Variants in DOCK5 observed in about 807,000 individuals in gnomAD.
DOCK5 encodes dedicator of cytokinesis protein 5.
In DOCK5, 142 loss-of-function variants were observed where a neutral mutation model predicts 251.8. The observed-to-expected ratio is 0.56, with a 90% CI of 0.49 to 0.65. The LOEUF is 0.65. Among genes scored for constraint, DOCK5 ranks in the 30% least tolerant of loss-of-function variants. DOCK5 has a pLI of 0.00. For missense variants in DOCK5, 2,111 were observed against 2,312.3 expected (o/e 0.91, Z 1.79); for synonymous variants, 842 against 835.5 (o/e 1.01, Z -0.13).
chr8:25,395,180 C>T (rs988410008), intron 44 of DOCK5, among the ~76,000 whole-genome samples: 3 of 152,148 alleles, frequency 2.0e-5, no homozygotes, highest in Non-Finnish European at 2.9e-5. Flanking sequence ...CTAGATCCCT[C>T]GCATGTGCAG....
chr8:25,219,014 A>G (rs896123520), intron 1 of DOCK5, among the ~76,000 whole-genome samples: 12 of 152,152 alleles, frequency 7.9e-5, no homozygotes, highest in Non-Finnish European at 1.2e-4. Flanking sequence ...TTTGGTATTC[A>G]TATTGATGAC....
intron 47 of DOCK5, among the ~76,000 whole-genome samples, chr8:25,402,155 A>G (rs1054958318): frequency 8.6e-5 from 13 of 151,784 alleles, no homozygotes; most frequent in Non-Finnish European, 2.9e-5. Flanking sequence ...TTGAGACAGG[A>G]TCTCTCTTTG....
chr8:25,283,302 C>A (rs949870419), intron 5 of DOCK5, among the ~76,000 whole-genome samples: 1 of 152,110 alleles, frequency 6.6e-6, no homozygotes, highest in Non-Finnish European at 1.5e-5. Flanking sequence ...GGAGAGGAAG[C>A]GGGTTTTAGG....
chr8:25,205,812 A>G (rs1038524083), intron 1 of DOCK5, among the ~76,000 whole-genome samples: 17 of 152,338 alleles, frequency 1.1e-4, no homozygotes, highest in Non-Finnish European at 2.2e-4. Context: ...CCGATTCACC[A>G]GGTATCTGAG....
At chr8:25,206,798 A>G (rs1802011998) in intron 1 of DOCK5, among the ~76,000 whole-genome samples, 1 of 152,236 alleles carries the variant, frequency 6.6e-6, no homozygotes. Context: ...GGAAATACCA[A>G]TATGTTTTGC....
intron 45 of DOCK5, among the ~76,000 whole-genome samples, chr8:25,397,221 A>AG (rs1282762635): frequency 1.7e-4 from 24 of 144,510 alleles, no homozygotes; most frequent in Middle Eastern, 3.5e-3. Flanking sequence ...CACTCCGTCT[A>AG]AAAAAAAAAA....
chr8:25,395,487 A>T, intron 44 of DOCK5, 56 bp from the exon 45 acceptor site: 1 of 1,553,800 alleles, frequency 6.4e-7, no homozygotes, highest in Admixed American at 2.1e-5. Context: ...AACTTTTTTC[A>T]GTCTTTACTT....
chr8:25,216,928 G>T lies in DOCK5; in HGVS notation c.44-26746G>T, dbSNP rs199668279. On this transcript the variant is annotated intron_variant, in intron 1 of 51. Transcript: ENST00000276440. ...ACAATATGTGTATACAATATGTATAGATGTATACAATATGTGTATACAATA... is the reference window on the plus strand; with the variant it reads ...ACAATATGTGTATACAATATGTATATATGTATACAATATGTGTATACAATA... Among the ~76,000 whole-genome samples, 5 of 5,616 alleles carry T rather than the reference G, an allele frequency of 8.9e-4. 1 individual carries two copies. Among genetic ancestry groups the T allele is most frequent in the African/African-American group, 4.1e-3 (5 of 1,206 alleles). The allele number at this position is 5,616 out of a possible 152,430, so 3.7% of individuals were successfully genotyped here.
At chr8:25,324,220 G>T (rs1035780389) in intron 17 of DOCK5, among the ~76,000 whole-genome samples, 3 of 152,126 alleles carry the variant, frequency 2.0e-5, no homozygotes, top group Non-Finnish European at 4.4e-5. Flanking sequence ...TGTGAATGGT[G>T]TTCCCTAGCA....
At chr8:25,366,504 T>C (rs1488801957) in intron 30 of DOCK5, among the ~76,000 whole-genome samples, 1 of 152,088 alleles carries the variant, frequency 6.6e-6, no homozygotes, top group Admixed American at 6.5e-5. Context: ...AACAACAAAA[T>C]TCATGGTTAT....
At chr8:25,324,975 C>T (rs551967151) in intron 17 of DOCK5, among the ~76,000 whole-genome samples, 11 of 152,118 alleles carry the variant, frequency 7.2e-5, no homozygotes, top group African/African-American at 1.4e-4. Context: ...AGGACATGAA[C>T]TCATCCTTTT....
At chr8:25,345,703 A>G in intron 26 of DOCK5, 92 bp downstream of exon 26, 2 of 1,536,210 alleles carry the variant, frequency 1.3e-6, no homozygotes, top group Non-Finnish European at 1.8e-6. Context: ...ATTCTCAGGT[A>G]GTTTCCAGCT....
chr8:25,193,904 G>C (rs1436164939), intron 1 of DOCK5, among the ~76,000 whole-genome samples: 1 of 152,166 alleles, frequency 6.6e-6, no homozygotes, highest in Non-Finnish European at 1.5e-5. Context: ...AGGAGTATTG[G>C]TTTTAAGGTT....
chr8:25,270,639 A>G (rs1025044541), intron 3 of DOCK5: 4 of 420,198 alleles, frequency 9.5e-6, no homozygotes, highest in African/African-American at 6.0e-5. Flanking sequence ...TGGATTTTTC[A>G]CTGCGAAATT....
chr8:25,206,460 A>G (rs1435153742), intron 1 of DOCK5, among the ~76,000 whole-genome samples: 1 of 152,246 alleles, frequency 6.6e-6, no homozygotes, highest in African/African-American at 2.4e-5. Flanking sequence ...ATTAAGAGAT[A>G]GCTCACAGAA....
At chr8:25,372,966 A>G (rs1306217539) in intron 35 of DOCK5, among the ~76,000 whole-genome samples, 1 of 150,870 alleles carries the variant, frequency 6.6e-6, no homozygotes, top group Non-Finnish European at 1.5e-5. Flanking sequence ...GTTTGGGGGT[A>G]CAGTGGTTTC....
chr8:25,268,475 C>T (rs1803822311), intron 2 of DOCK5, among the ~76,000 whole-genome samples: 1 of 151,874 alleles, frequency 6.6e-6, no homozygotes, highest in African/African-American at 2.4e-5. Flanking sequence ...AGCATGTATA[C>T]AATGAAAGTC....
chr8:25,300,931 G>C (rs75601801), intron 9 of DOCK5, among the ~76,000 whole-genome samples: 2,768 of 152,262 alleles, frequency 0.018, 37 homozygotes, highest in South Asian at 0.037. Context: ...CAGGCACAGG[G>C]GCTCACGCCT....
chr8:25,397,049 G>A (rs1443333103), intron 45 of DOCK5, among the ~76,000 whole-genome samples: 2 of 151,958 alleles, frequency 1.3e-5, no homozygotes, highest in African/African-American at 4.8e-5. Context: ...GCGAAACCCT[G>A]TCTCTAATAA....
Sources: gnomAD v4.1 joint callset for allele counts (sites outside exome capture counted in the v4.1 genomes callset) on GRCh38, gnomAD v4.1.1 for gene constraint, MANE v1.5 for transcripts, NCBI Gene and HGNC (gene_info 2026-07-23, HGNC 2026-07-21) for gene names.